BCL2L12: variants seen among roughly 807,000 people sequenced by gnomAD.
The protein encoded by BCL2L12 is bcl-2-like protein 12.
BCL2L12 carries 27 observed loss-of-function variants against 25.7 expected under a neutral mutation model. The observed-to-expected ratio is 1.05, with a 90% CI of 0.78 to 1.45. The LOEUF (loss-of-function observed/expected upper bound fraction) is 1.45. Ranked by LOEUF, BCL2L12 falls within the 40% of genes most tolerant of loss-of-function variation. The probability of loss-of-function intolerance (pLI) is 0.00; values close to 1 mark genes in which losing one functional copy is unlikely to be tolerated. For synonymous variants in BCL2L12, 132 were observed against 145.6 expected, an observed-to-expected ratio of 0.91 and a Z score of 0.67; for missense variants, 302 against 329.8, an observed-to-expected ratio of 0.92 and a Z score of 0.65.
At chr19:49,665,900 A>C, upstream of BCL2L12, 1 of 1,613,054 alleles carries the variant, frequency 6.2e-7, no homozygotes, top group South Asian at 1.1e-5. Context: ...TGGGAGCGTC[A>C]CATGCAAATT....
Position 49,667,028 on chromosome 19 carries a change from C to T in BCL2L12, c.117C>T (p.Ala39=), listed in dbSNP as rs2081807252. Residue 39 remains alanine, a synonymous_variant, in exon 3 of 7, where the codon GCC becomes GCT. Coordinates refer to ENST00000246784, the MANE Select transcript of BCL2L12 (RefSeq NM_138639.2). The part of the protein sequence containing the change: ...SPVPTPPRSP[A]QEEPTDFLSR... Reference sequence around the variant, plus strand: ...AAGTCCTCCTCTCCAGAAGCCCTGCCCAAGAAGAGCCAACAGACTTCCTGA... The same window carrying T: ...AAGTCCTCCTCTCCAGAAGCCCTGCTCAAGAAGAGCCAACAGACTTCCTGA... 2.5e-6 allele frequency: 4 copies of T among 1,613,266 alleles called. No homozygotes were observed. Among genetic ancestry groups the T allele is most frequent in the Non-Finnish European group, 3.4e-6 (4 of 1,179,830 alleles).
In BCL2L12 at chr19:49,665,981, G is replaced by A. The variant is rs1452769568; in HGVS notation, c.-95G>A. On this transcript the variant is annotated 5_prime_UTR_variant, in exon 1 of 7. Transcript: ENST00000246784. The stretch of plus-strand genomic sequence containing the variant: ...CGACCCGGCCCAGTGCGCAGGCGCG[G>A]GAAAGTTGAACTAATAAAGTTTGTA... The A allele has an allele frequency of 1.9e-6, 3 of 1,610,738 alleles. No homozygotes were observed. The highest frequency in any genetic ancestry group is 2.5e-6 in the Non-Finnish European group (3 of 1,178,310).
At chr19:49,665,657 G>C, upstream of BCL2L12, 2 of 866,044 alleles carry the variant, frequency 2.3e-6, no homozygotes, top group South Asian at 1.8e-5. Context: ...GGGCGTGCGG[G>C]CAGCTGGAAC....
Position 49,670,372 on chromosome 19 carries a change from C to T in BCL2L12, c.586C>T (p.Leu196=). 1 of 1,581,176 alleles carries T rather than the reference C, an allele frequency of 6.3e-7. No homozygotes were observed. The highest frequency in any genetic ancestry group is 8.6e-7 in the Non-Finnish European group (1 of 1,165,874). The change falls in exon 6 of 7, where the codon CTG becomes TTG. Residue 196 remains leucine (L), a synonymous_variant. Transcript: ENST00000246784. ...TCCTTCCCCGGAGCCCCTGGCCCGCCTGGCCCTAGCCATGGAGCTGAGCCG... is the reference window on the plus strand; with the variant it reads ...TCCTTCCCCGGAGCCCCTGGCCCGCTTGGCCCTAGCCATGGAGCTGAGCCG... ...PPPSPEPLAR[L]ALAMELSRRV...
At position 49,672,736 on chromosome 19, in the gene BCL2L12, T is replaced by G. The variant is rs2081986055; in HGVS notation, c.703-962T>G. Reference sequence around the variant, plus strand: ...CTTAAGTTCCCCGAGATGGGGAAGGTGTGGGGATGGGGGCGATGGGGGTGG... The same window carrying G: ...CTTAAGTTCCCCGAGATGGGGAAGGGGTGGGGATGGGGGCGATGGGGGTGG... On this transcript the variant is annotated intron_variant, in intron 6 of 6. Coordinates refer to ENST00000246784, the MANE Select transcript of BCL2L12 (RefSeq NM_138639.2). The surrounding 1 kb of genome is among the most constrained non-coding windows in gnomAD (Gnocchi z 4.1). Among the ~76,000 whole-genome samples, 4 of 137,388 alleles carry G rather than the reference T, an allele frequency of 2.9e-5. No individual in the cohort carries two copies. The highest frequency in any genetic ancestry group is 5.6e-5 in the African/African-American group (2 of 35,868). The allele number at this position is 137,388 out of a possible 152,430, so 90.1% of individuals were successfully genotyped here.
intron 2 of BCL2L12, 73 bp downstream of exon 2, chr19:49,666,872 G>T (rs1421025623): frequency 6.6e-7 from 1 of 1,519,492 alleles, no homozygotes; most frequent in African/African-American, 1.4e-5. Context: ...CCTGGTCTCA[G>T]TCTGTCTCCT....
chr19:49,665,617 C>T (rs974849430), upstream of BCL2L12: 17 of 617,102 alleles, frequency 2.8e-5, no homozygotes, highest in Admixed American at 2.1e-4. Context: ...CTCTCCCGGG[C>T]TCTTCCGCGT....
At chr19:49,666,884 T>G (rs2122793650) in intron 2 of BCL2L12, 85 bp downstream of exon 2, 1 of 1,514,220 alleles carries the variant, frequency 6.6e-7, no homozygotes, top group Non-Finnish European at 8.9e-7. Flanking sequence ...CTGTCTCCTC[T>G]CTTTATATCT....
chr19:49,668,825 C>T, intron 3 of BCL2L12, 26 bp from the exon 4 acceptor site: 3 of 1,598,678 alleles, frequency 1.9e-6, no homozygotes, highest in South Asian at 2.2e-5. Context: ...GTCCTGGAAA[C>T]CTGTCATTAA....
At chr19:49,673,131 G>C (rs2081994346) in intron 6 of BCL2L12, among the ~76,000 whole-genome samples, 2 of 152,078 alleles carry the variant, frequency 1.3e-5, no homozygotes, top group South Asian at 4.1e-4. Flanking sequence ...CTCCCAAAGT[G>C]CTGGAATTAC....
At chr19:49,667,689 G>C (rs1313546265) in intron 3 of BCL2L12, among the ~76,000 whole-genome samples, 2 of 152,160 alleles carry the variant, frequency 1.3e-5, no homozygotes, top group Non-Finnish European at 2.9e-5. Flanking sequence ...GTGATCAATT[G>C]GTGATGTCTG....
chr19:49,672,215 C>A lies in BCL2L12; in HGVS notation c.703-1483C>A, dbSNP rs1248462887. 6.6e-6 allele frequency: 1 copy of A among 152,438 alleles called. No homozygotes were observed. The highest frequency in any genetic ancestry group is 1.5e-5 in the Non-Finnish European group (1 of 68,184). 9.4% of individuals were successfully genotyped at this position (152,438 alleles called of 1,614,324 possible). ...CCCACTGGTCCAGTGAGCACCGTCT[C>A]ATTTACCTGCCTTGGGGGGTCGCTG... On this transcript the variant is annotated intron_variant, in intron 6 of 6. Coordinates refer to ENST00000246784, the MANE Select transcript of BCL2L12 (RefSeq NM_138639.2). The surrounding 1 kb of genome is among the most constrained non-coding windows in gnomAD (Gnocchi z 4.1).
At chr19:49,665,588 C>T, upstream of BCL2L12, 3 of 536,382 alleles carry the variant, frequency 5.6e-6, no homozygotes, top group Non-Finnish European at 1.0e-5. Flanking sequence ...CCGCTCCTCG[C>T]TCTCGGACGC....
At chr19:49,668,989 G>T in intron 4 of BCL2L12, 35 bp from the exon 5 acceptor site, 2 of 1,613,926 alleles carry the variant, frequency 1.2e-6, no homozygotes, top group Non-Finnish European at 1.7e-6. Flanking sequence ...GATAGTCAGG[G>T]TTCTGCCCCC....
At position 49,668,874 on chromosome 19, in the gene BCL2L12, G is replaced by T. The variant is rs779977322; in HGVS notation, c.274G>T (p.Ala92Ser). The T allele has an allele frequency of 6.2e-7, 1 of 1,613,278 alleles. No individual in the cohort carries two copies. The highest frequency in any genetic ancestry group is 1.1e-5 in the South Asian group (1 of 91,040). The change falls in exon 4 of 7, where the codon GCT (alanine) becomes TCT (serine). Residue 92 changes from alanine (A) to serine (S), a missense_variant. By Grantham distance (99) the Ala-to-Ser change is moderately conservative. Transcript: ENST00000246784. ...EPGPATPDFY[A>S]LVAQRLEQLV... Reference sequence around the variant, plus strand: ...AGGCCCAGCTACTCCAGACTTCTATGCTTTGGTGGCCCAGCGGCTGGAACA... The same window carrying T: ...AGGCCCAGCTACTCCAGACTTCTATTCTTTGGTGGCCCAGCGGCTGGAACA...
At chr19:49,670,833 C>T (rs1031313426) in intron 6 of BCL2L12, among the ~76,000 whole-genome samples, 5 of 151,996 alleles carry the variant, frequency 3.3e-5, no homozygotes, top group African/African-American at 9.7e-5. Context: ...GCCTGGACAA[C>T]ATAGTAAGAC....
rs2081989986 is a variant in BCL2L12 at position 49,672,927 on chromosome 19, G to T, written c.703-771G>T. Among the ~76,000 whole-genome samples the T allele has an allele frequency of 6.6e-6, 1 of 152,166 alleles. No homozygotes were observed. The highest frequency in any genetic ancestry group is 6.5e-5 in the Admixed American group (1 of 15,276). On this transcript the variant is annotated intron_variant, in intron 6 of 6. Transcript: ENST00000246784. The surrounding 1 kb of genome is among the most constrained non-coding windows in gnomAD (Gnocchi z 4.1). ...CTATTGCCCAGACTGGAGTGCAGTG[G>T]CACGACCTTGGCTCACTGCAACCTC...
intron 6 of BCL2L12, among the ~76,000 whole-genome samples, chr19:49,673,208 A>G (rs2081996404): frequency 6.6e-6 from 1 of 151,670 alleles, no homozygotes; most frequent in Non-Finnish European, 1.5e-5. Context: ...ATAGCAGATG[A>G]GTTTTCTCGG....
chr19:49,668,186 C>T (rs1398788194), intron 3 of BCL2L12, among the ~76,000 whole-genome samples: 1 of 151,488 alleles, frequency 6.6e-6, no homozygotes, highest in Non-Finnish European at 1.5e-5. Flanking sequence ...ACCTCTACCT[C>T]CCGGGTTCAA....
Sources: gnomAD v4.1 joint callset for allele counts (sites outside exome capture counted in the v4.1 genomes callset) on GRCh38, gnomAD v4.1.1 for gene constraint, Gnocchi (gnomAD v3.1) non-coding constraint, MANE v1.5 for transcripts, NCBI Gene and HGNC (gene_info 2026-07-23, HGNC 2026-07-21) for gene names.